The following HDAC4 variants were observed in gnomAD, a reference collection of about 807,000 sequenced individuals.
HDAC4 encodes histone deacetylase 4.
A neutral mutation model predicts 135.1 loss-of-function variants in HDAC4; 16 were observed. The ratio of observed to expected loss-of-function variants is 0.12; its 90% confidence interval spans 0.08 to 0.18. HDAC4 has a LOEUF of 0.18. Among genes scored for constraint, HDAC4 ranks in the 10% least tolerant of loss-of-function variants. HDAC4 has a pLI of 1.00. For missense variants in HDAC4, 1,143 were observed against 1,511.8 expected, an observed-to-expected ratio of 0.76 and a Z score of 4.05; for synonymous variants, 685 against 653.4, an observed-to-expected ratio of 1.05 and a Z score of -0.74.
chr2:239,289,602 G>C (rs2125481134), intron 2 of HDAC4, among the ~76,000 whole-genome samples: 1 of 136,012 alleles, frequency 7.4e-6, no homozygotes, highest in South Asian at 2.3e-4. Context: ...TGGAAATCCA[G>C]GCTGGGGAGA....
chr2:239,365,802 G>A (rs542659432), intron 1 of HDAC4, among the ~76,000 whole-genome samples: 3 of 151,926 alleles, frequency 2.0e-5, no homozygotes, highest in Non-Finnish European at 2.9e-5. Context: ...GGTCGTCAGG[G>A]TCACACGTGT....
At chr2:239,388,307 A>G (rs1168044829) in intron 1 of HDAC4, among the ~76,000 whole-genome samples, 1 of 152,236 alleles carries the variant, frequency 6.6e-6, no homozygotes, top group Non-Finnish European at 1.5e-5. Context: ...GAGGGCCGCA[A>G]GCCTGGACTT....
At chr2:239,184,020 A>G (rs1459653539) in intron 4 of HDAC4, among the ~76,000 whole-genome samples, 1 of 141,746 alleles carries the variant, frequency 7.1e-6, no homozygotes, top group Non-Finnish European at 1.5e-5. Flanking sequence ...AGTCACATGG[A>G]CACACACACA....
intron 18 of HDAC4, among the ~76,000 whole-genome samples, chr2:239,088,666 A>C (rs1041531425): frequency 6.6e-6 from 1 of 152,214 alleles, no homozygotes; most frequent in Non-Finnish European, 1.5e-5. Context: ...AATGTGCTCG[A>C]TGAAGCAGTA....
In HDAC4 at chr2:239,217,376, G is replaced by C. The variant is rs375840436; in HGVS notation, c.94+19217C>G. Reference sequence around the variant, plus strand: ...AAATGGTAATGAAACTGAAATTTGGGGGAAGAAACTTAATGTATCTGTTTT... The same window carrying C: ...AAATGGTAATGAAACTGAAATTTGGCGGAAGAAACTTAATGTATCTGTTTT... On this transcript the variant is annotated intron_variant, in intron 3 of 26. Coordinates refer to ENST00000543185, the MANE Select transcript of HDAC4 (RefSeq NM_001378414.1). Among the ~76,000 whole-genome samples, 11 of 152,222 alleles carry C rather than the reference G, an allele frequency of 7.2e-5. No individual in the cohort carries two copies. The East Asian group carries it at 2.1e-3, about 29-fold the overall frequency.
intron 17 of HDAC4, among the ~76,000 whole-genome samples, chr2:239,093,042 A>C (rs2036668867): frequency 6.6e-6 from 1 of 152,150 alleles, no homozygotes; most frequent in Admixed American, 6.5e-5. Context: ...GGAAGCTCAG[A>C]GGAGCCGCGG....
At chr2:239,226,018 G>A (rs1213695260) in intron 3 of HDAC4, among the ~76,000 whole-genome samples, 3 of 152,138 alleles carry the variant, frequency 2.0e-5, no homozygotes, top group Non-Finnish European at 2.9e-5. Flanking sequence ...CAGCTGCACC[G>A]CGACACCCTA....
At chr2:239,334,627 G>T (rs993810099) in intron 2 of HDAC4, among the ~76,000 whole-genome samples, 5 of 152,082 alleles carry the variant, frequency 3.3e-5, no homozygotes, top group Admixed American at 2.6e-4. Flanking sequence ...TAGCATATTC[G>T]TAGATTAGAA....
chr2:239,214,767 T>C (rs2046535133), intron 3 of HDAC4, among the ~76,000 whole-genome samples: 1 of 152,230 alleles, frequency 6.6e-6, no homozygotes, highest in Non-Finnish European at 1.5e-5. Flanking sequence ...TTTAGAACAT[T>C]TTCACATTTG....
chr2:239,111,473 T>C (rs546280534), intron 14 of HDAC4, 53 bp downstream of exon 14: 91 of 1,541,588 alleles, frequency 5.9e-5, no homozygotes, highest in Non-Finnish European at 7.7e-5. Context: ...CCCCGCGCTG[T>C]GCCCACTGTG....
chr2:239,371,822 T>C (rs1413525245), intron 1 of HDAC4, among the ~76,000 whole-genome samples: 1 of 152,170 alleles, frequency 6.6e-6, no homozygotes, highest in Non-Finnish European at 1.5e-5. Context: ...GGCCTGCGCA[T>C]CCGGCCCTGC....
In HDAC4 at chr2:239,068,550, T is replaced by G; in HGVS notation, c.2808A>C (p.Ser936=). Residue 936 remains serine (S), a synonymous_variant, in exon 23 of 27, where the codon TCA becomes TCC. Coordinates refer to ENST00000543185, the MANE Select transcript of HDAC4 (RefSeq NM_001378414.1). This position sits in a 1 kb window ranked among gnomAD's most constrained non-coding sequence, Gnocchi z 4.4. ...EFAPDVVLVS[S]GFDAVEGHPT... ...GGTGGCCCTCCACGGCATCGAAGCC[T>G]GATGACACCAGCACCACATCCGGGG... 6.2e-7 allele frequency: 1 copy of G among 1,614,052 alleles called. No individual in the cohort carries two copies. The highest frequency in any genetic ancestry group is 8.5e-7 in the Non-Finnish European group (1 of 1,180,014).
chr2:239,249,238 C>T (rs1374673256), intron 2 of HDAC4, among the ~76,000 whole-genome samples: 1 of 152,202 alleles, frequency 6.6e-6, no homozygotes, highest in East Asian at 1.9e-4. Flanking sequence ...ACAGAGGAGA[C>T]ACGGCTGCAG....
chr2:239,284,716 T>C (rs2051034502), intron 2 of HDAC4, among the ~76,000 whole-genome samples: 1 of 152,062 alleles, frequency 6.6e-6, no homozygotes, highest in Admixed American at 6.5e-5. Context: ...CACCAGACGG[T>C]GAGCGCCCAC....
chr2:239,140,899 G>A (rs1406394355), intron 8 of HDAC4: 1 of 458,050 alleles, frequency 2.2e-6, no homozygotes, highest in Non-Finnish European at 4.5e-6. Context: ...GCCTGCTGGA[G>A]GTGGTGACTC....
chr2:239,078,133 C>A (rs532463406), intron 22 of HDAC4, among the ~76,000 whole-genome samples: 1 of 152,194 alleles, frequency 6.6e-6, no homozygotes, highest in East Asian at 1.9e-4. Flanking sequence ...TCATCGTCAT[C>A]GTCATCTCCC....
chr2:239,392,446 A>G (rs1208637488), intron 1 of HDAC4, among the ~76,000 whole-genome samples: 2 of 152,226 alleles, frequency 1.3e-5, no homozygotes, highest in African/African-American at 4.8e-5. Flanking sequence ...ATTTTATAGT[A>G]GAGGGGGTTT....
intron 2 of HDAC4, among the ~76,000 whole-genome samples, chr2:239,265,756 T>G (rs2125157557): frequency 6.6e-6 from 1 of 152,336 alleles, no homozygotes; most frequent in East Asian, 1.9e-4. Context: ...AACAACAGTG[T>G]CAGAGACACC....
At chr2:239,228,279 A>T (rs1204510794) in intron 3 of HDAC4, among the ~76,000 whole-genome samples, 1 of 152,178 alleles carries the variant, frequency 6.6e-6, no homozygotes, top group African/African-American at 2.4e-5. Flanking sequence ...GGGAGACAGG[A>T]AGACTGTGCT....
Sources: allele counts gnomAD v4.1 joint callset (sites outside exome capture counted in the v4.1 genomes callset), GRCh38; gene constraint gnomAD v4.1.1; non-coding constraint Gnocchi (gnomAD v3.1); transcripts MANE v1.5; gene names NCBI Gene and HGNC (gene_info 2026-07-23, HGNC 2026-07-21).